The following ABCB11 variants were observed in gnomAD, a reference collection of about 807,000 sequenced individuals.
The protein encoded by ABCB11 is ATP binding cassette subfamily B member 11, also known as bile salt export pump.
In ABCB11, 95 loss-of-function variants were observed where a neutral mutation model predicts 148.0. The ratio of observed to expected loss-of-function variants is 0.64; its 90% CI spans 0.54 to 0.76. The LOEUF (loss-of-function observed/expected upper bound fraction) is 0.76, where lower values mean the gene tolerates loss of function less well. Ranked by LOEUF, ABCB11 falls within the 30% of genes least tolerant of loss-of-function variation. The probability of loss-of-function intolerance (pLI) is 0.00; values close to 1 mark genes in which losing one functional copy is unlikely to be tolerated. For synonymous variants in ABCB11, 591 were observed against 555.4 expected (o/e 1.06, Z -0.90); for missense variants, 1,523 against 1,617.8 (o/e 0.94, Z 1.01).
chr2:168,924,539 G>C, intron 27 of ABCB11, 118 bp downstream of exon 27: 1 of 960,964 alleles, frequency 1.0e-6, no homozygotes, highest in Admixed American at 2.6e-5. Flanking sequence ...ACAAAGTATT[G>C]CCAATTTCTA....
intron 17 of ABCB11, among the ~76,000 whole-genome samples, chr2:168,965,305 C>T (rs1558890493): frequency 6.6e-6 from 1 of 151,746 alleles, no homozygotes; most frequent in South Asian, 2.1e-4. Context: ...CTCCTCTTCC[C>T]TCCCCCAGAC....
intron 1 of ABCB11, among the ~76,000 whole-genome samples, chr2:169,028,958 C>T (rs979998105): frequency 2.0e-5 from 3 of 152,154 alleles, no homozygotes; most frequent in African/African-American, 7.2e-5. Context: ...GCTTTTTCCA[C>T]ATTCAGGCCA....
chr2:168,970,439 G>T (rs1163581357), intron 14 of ABCB11: 1 of 1,265,340 alleles, frequency 7.9e-7, no homozygotes, highest in African/African-American at 1.5e-5. Context: ...AGGGTTTACT[G>T]GGCTGTGTAA....
Position 169,021,356 on chromosome 2 carries a change from C to G in ABCB11, c.-27-3204G>C, listed in dbSNP as rs539269098. Among the ~76,000 whole-genome samples the G allele has an allele frequency of 2.0e-5, 3 of 151,578 alleles. 1 individual carries two copies. In the South Asian group the frequency reaches 6.2e-4, roughly 32 times the overall value. On this transcript the variant is annotated intron_variant, in intron 1 of 27. Coordinates refer to ENST00000650372, the MANE Select transcript of ABCB11 (RefSeq NM_003742.4). ...GTGAAAAGGATACGTCATGCAAATA[C>G]TGATGTCTCAAAGCTGTTATGTTAA...
intron 10 of ABCB11, among the ~76,000 whole-genome samples, chr2:168,984,993 C>A (rs1295429952): frequency 6.6e-6 from 1 of 152,092 alleles, no homozygotes; most frequent in Non-Finnish European, 1.5e-5. Flanking sequence ...AGTAAACAGA[C>A]AACCCACAGG....
chr2:169,026,356 G>A (rs1695694508), intron 1 of ABCB11, among the ~76,000 whole-genome samples: 1 of 152,144 alleles, frequency 6.6e-6, no homozygotes, highest in African/African-American at 2.4e-5. Context: ...ATACTCTCTA[G>A]GGCTAAAGGC....
At chr2:169,010,632 G>A (rs1695153375) in intron 5 of ABCB11, among the ~76,000 whole-genome samples, 1 of 152,158 alleles carries the variant, frequency 6.6e-6, no homozygotes, top group Admixed American at 6.5e-5. Flanking sequence ...CCTGCAAACA[G>A]TTTGGGCGAC....
chr2:168,932,996 C>T (rs527742726), intron 23 of ABCB11, among the ~76,000 whole-genome samples: 2 of 151,462 alleles, frequency 1.3e-5, no homozygotes, highest in South Asian at 4.2e-4. Flanking sequence ...GTGGTCCCAG[C>T]TACTCGGGAG....
rs770299293 is a variant in ABCB11, at chr2:168,927,207, T to C, written c.3567A>G (p.Ile1189Met). ...GCAGCTGAGCCTGTTTTGCAGCTGCTATGACTCTTTCCATGGGAATTTCTT... is the reference window on the plus strand; with the variant it reads ...GCAGCTGAGCCTGTTTTGCAGCTGCCATGACTCTTTCCATGGGAATTTCTT... ...NTKEIPMERVIAAAKQAQLHD... is the reference protein window; with the variant it reads ...NTKEIPMERVMAAAKQAQLHD... Residue 1189 changes from isoleucine (I) to methionine (M), a missense_variant, in exon 26 of 28, where the codon ATA becomes ATG. Coordinates refer to ENST00000650372, the MANE Select transcript of ABCB11 (RefSeq NM_003742.4). 2.5e-6 allele frequency: 4 copies of C among 1,613,906 alleles called. No homozygotes were observed. The South Asian group carries it at 4.4e-5, about 18-fold the overall frequency.
At chr2:169,016,735 T>A (rs1049787686) in intron 3 of ABCB11, 43 bp downstream of exon 3, 2 of 1,537,426 alleles carry the variant, frequency 1.3e-6, no homozygotes, top group African/African-American at 2.7e-5. Flanking sequence ...TATTATGGAG[T>A]TATTCTAGAA....
chr2:168,975,591 A>AAAAATATT lies in ABCB11; in HGVS notation c.1308+985_1308+986insAATATTTT. On this transcript the variant is annotated intron_variant, in intron 12 of 27. Coordinates refer to ENST00000650372, the MANE Select transcript of ABCB11 (RefSeq NM_003742.4). ...TATTTATAGATAAATATATAAATACATAAATATTTTTATATTTAAATATTT... is the reference window on the plus strand; with the variant it reads ...TATTTATAGATAAATATATAAATACAAAAATATTTAAATATTTTTATATTTAAATATTT... 6.1e-4 allele frequency among the ~76,000 whole-genome samples: 17 copies of AAAAATATT among 27,842 alleles called. 2 individuals are homozygous for AAAAATATT. The highest frequency in any genetic ancestry group is 1.1e-3 in the South Asian group (1 of 928). 18.3% of individuals were successfully genotyped at this position (27,842 alleles called of 152,430 possible). A position where few individuals can be genotyped will look rare whatever the true frequency, so the allele number is the denominator to read the frequency against.
intron 21 of ABCB11, among the ~76,000 whole-genome samples, chr2:168,941,142 T>C (rs1581397): frequency 0.49 from 74,230 of 151,428 alleles, 19,197 homozygotes; most frequent in South Asian, 0.66. Flanking sequence ...AGTCTTTTTA[T>C]TTAAGAAGTA....
At chr2:168,947,448 T>C (rs1692375256) in intron 19 of ABCB11, among the ~76,000 whole-genome samples, 2 of 151,518 alleles carry the variant, frequency 1.3e-5, no homozygotes, top group South Asian at 2.1e-4. Flanking sequence ...AGCAGACAAA[T>C]TACGCCTTAC....
At chr2:168,995,586 G>A (rs1410629770) in intron 6 of ABCB11, 104 bp from the exon 7 acceptor site, 1 of 1,249,074 alleles carries the variant, frequency 8.0e-7, no homozygotes. Flanking sequence ...AGAAAAGGGG[G>A]AAAGTAATTC....
At chr2:169,020,939 T>C (rs924290942) in intron 1 of ABCB11, among the ~76,000 whole-genome samples, 1 of 152,122 alleles carries the variant, frequency 6.6e-6, no homozygotes, top group African/African-American at 2.4e-5. Context: ...GTCAGTTTAT[T>C]GAATTTTTTA....
intron 4 of ABCB11, 72 bp from the exon 5 acceptor site, chr2:169,013,582 G>A (rs1203010950): frequency 1.6e-6 from 2 of 1,256,896 alleles, no homozygotes; most frequent in African/African-American, 1.5e-5. Flanking sequence ...ACTTAATTTA[G>A]TTACTAGATT....
At chr2:169,009,273 G>A (rs535499283) in intron 5 of ABCB11, among the ~76,000 whole-genome samples, 5 of 152,134 alleles carry the variant, frequency 3.3e-5, no homozygotes, top group African/African-American at 1.2e-4. Context: ...AAGGATACAT[G>A]CACACGTATG....
chr2:168,987,503 G>T lies in ABCB11; in HGVS notation c.909-1219C>A, dbSNP rs112751309. 3.4e-4 allele frequency among the ~76,000 whole-genome samples: 51 copies of T among 152,146 alleles called. No individual in the cohort carries two copies. In the South Asian group the frequency reaches 7.7e-3, roughly 23 times the overall value. ...GAGTGCAGTAGCATGATCACAGCTC[G>T]CTGTAACCTCAAACTCCCCAGAATC... On this transcript the variant is annotated intron_variant, in intron 9 of 27. Coordinates refer to ENST00000650372, the MANE Select transcript of ABCB11 (RefSeq NM_003742.4).
chr2:168,933,155 T>C (rs1475055429), intron 23 of ABCB11, among the ~76,000 whole-genome samples: 2 of 150,950 alleles, frequency 1.3e-5, no homozygotes, highest in African/African-American at 2.4e-5. Flanking sequence ...GGAAAAAGAC[T>C]TCTGAAAAAA....
Sources: allele counts gnomAD v4.1 joint callset (sites outside exome capture counted in the v4.1 genomes callset), GRCh38; gene constraint gnomAD v4.1.1; transcripts MANE v1.5; gene names NCBI Gene and HGNC (gene_info 2026-07-23, HGNC 2026-07-21).